The following HIPK2 variants were observed in gnomAD, a reference collection of about 807,000 sequenced individuals.
HIPK2 encodes the protein homeodomain interacting protein kinase 2.
In HIPK2, 27 loss-of-function variants were observed where a neutral mutation model predicts 113.7. That is an observed-to-expected ratio of 0.24 (90% CI 0.17 to 0.33). The LOEUF is 0.33. HIPK2 is among the 10% of genes least tolerant of loss of function. The pLI, the probability that HIPK2 is intolerant of heterozygous loss-of-function variation, is 1.00. For synonymous variants in HIPK2, 631 were observed against 642.2 expected, an observed-to-expected ratio of 0.98 and a Z score of 0.26; for missense variants, 1,257 against 1,588.0, an observed-to-expected ratio of 0.79 and a Z score of 3.54.
At chr7:139,762,918 G>A (rs948655538) in intron 1 of HIPK2, among the ~76,000 whole-genome samples, 5 of 152,214 alleles carry the variant, frequency 3.3e-5, no homozygotes, top group Non-Finnish European at 5.9e-5. Context: ...AGAAGAGGGT[G>A]CTCTGAGATG....
At chr7:139,629,181 C>A in intron 4 of HIPK2, 142 bp from the exon 5 acceptor site, 1 of 653,620 alleles carries the variant, frequency 1.5e-6, no homozygotes, top group Non-Finnish European at 2.7e-6. Context: ...ACCTGCACAC[C>A]TGCAATTCCC....
chr7:139,622,385 G>A (rs1027719684), intron 6 of HIPK2, among the ~76,000 whole-genome samples: 6 of 152,212 alleles, frequency 3.9e-5, no homozygotes, highest in Admixed American at 6.5e-5. Flanking sequence ...GGTCTTGTGC[G>A]TGGAGGCTGC....
In HIPK2 at chr7:139,717,109, C is replaced by T. The variant is rs540278870; in HGVS notation, c.20-94G>A. On this transcript the variant is annotated intron_variant, in intron 1 of 14. Transcript: ENST00000406875. ...CTTCAGTTCTCATCTGTGGCTTGGGCCATACAGAATATATTCCTCCCACTT... is the reference window on the plus strand; with the variant it reads ...CTTCAGTTCTCATCTGTGGCTTGGGTCATACAGAATATATTCCTCCCACTT... The T allele has an allele frequency of 1.1e-5, 16 of 1,430,336 alleles. No homozygotes were observed. The South Asian group carries it at 1.3e-4, about 12-fold the overall frequency. 88.6% of individuals were successfully genotyped at this position (1,430,336 alleles called of 1,614,324 possible). A position where few individuals can be genotyped will look rare whatever the true frequency, so the allele number is the denominator to read the frequency against.
At chr7:139,614,232 C>A in intron 8 of HIPK2, 54 bp downstream of exon 8, 1 of 1,335,338 alleles carries the variant, frequency 7.5e-7, no homozygotes, top group Non-Finnish European at 9.7e-7. Flanking sequence ...GTGCCGGAGC[C>A]CCAGAGGCCG....
At chr7:139,595,743 C>T (rs1314429349) in intron 12 of HIPK2, among the ~76,000 whole-genome samples, 1 of 152,190 alleles carries the variant, frequency 6.6e-6, no homozygotes, top group African/African-American at 2.4e-5. Flanking sequence ...TCTATCTATA[C>T]ATTTTGTAAT....
chr7:139,700,350 C>T (rs2116842994), intron 2 of HIPK2, among the ~76,000 whole-genome samples: 1 of 152,316 alleles, frequency 6.6e-6, no homozygotes, highest in South Asian at 2.1e-4. Flanking sequence ...AGGCCACGCA[C>T]TGACCACACA....
rs762698949 is a variant in HIPK2 at position 139,631,946 on chromosome 7, A to G, written c.1104-221T>C. ...CTTGGAAGGTTGGCTGAGATGAAGG[A>G]TAAGTCTGTGTGTTTAGAACACACC... On this transcript the variant is annotated intron_variant, in intron 2 of 14. Coordinates refer to ENST00000406875, the MANE Select transcript of HIPK2 (RefSeq NM_022740.5). This position sits in a 1 kb window ranked among gnomAD's most constrained non-coding sequence, Gnocchi z 4.9. 6.6e-5 allele frequency among the ~76,000 whole-genome samples: 10 copies of G among 152,282 alleles called. No individual in the cohort carries two copies. In the East Asian group the frequency reaches 1.9e-3, roughly 29 times the overall value.
intron 2 of HIPK2, among the ~76,000 whole-genome samples, chr7:139,685,425 A>C (rs1794186095): frequency 6.6e-6 from 1 of 152,184 alleles, no homozygotes; most frequent in Non-Finnish European, 1.5e-5. Context: ...AGCTTCCCAA[A>C]GTGCTGGGAT....
At chr7:139,774,124 G>C (rs1157172038) in intron 1 of HIPK2, among the ~76,000 whole-genome samples, 1 of 152,236 alleles carries the variant, frequency 6.6e-6, no homozygotes, top group Non-Finnish European at 1.5e-5. Flanking sequence ...AATCGCAGGA[G>C]ATTAATAATT....
chr7:139,668,780 C>T (rs565013558), intron 2 of HIPK2, among the ~76,000 whole-genome samples: 2 of 152,142 alleles, frequency 1.3e-5, no homozygotes, highest in African/African-American at 4.8e-5. Context: ...TACAGTTGCA[C>T]ATTAAATTGG....
intron 2 of HIPK2, among the ~76,000 whole-genome samples, chr7:139,667,036 G>A (rs898651022): frequency 6.6e-6 from 1 of 151,178 alleles, no homozygotes; most frequent in Non-Finnish European, 1.5e-5. Context: ...CTGCACTCCA[G>A]CCTGGGCAAC....
At chr7:139,729,293 C>G (rs1408756950) in intron 1 of HIPK2, among the ~76,000 whole-genome samples, 3 of 139,686 alleles carry the variant, frequency 2.1e-5, no homozygotes, top group Non-Finnish European at 4.6e-5. Context: ...ACACTGCATT[C>G]CAGCCTGGGT....
At chr7:139,676,234 C>T (rs1296953676) in intron 2 of HIPK2, among the ~76,000 whole-genome samples, 1 of 152,232 alleles carries the variant, frequency 6.6e-6, no homozygotes, top group East Asian at 1.9e-4. Flanking sequence ...TTGCCAGAGA[C>T]CACAGGTACA....
intron 1 of HIPK2, among the ~76,000 whole-genome samples, chr7:139,754,421 C>T (rs534947406): frequency 6.6e-6 from 1 of 152,322 alleles, no homozygotes; most frequent in South Asian, 2.1e-4. Flanking sequence ...GCTTCAGACA[C>T]ATTCCACCAC....
rs535841735 is a variant in HIPK2, at chr7:139,760,006, T to G, written c.19+17599A>C. Among the ~76,000 whole-genome samples, 10 of 144,968 alleles carry G rather than the reference T, an allele frequency of 6.9e-5. No homozygotes were observed. In the South Asian group the frequency reaches 1.7e-3, roughly 25 times the overall value. On this transcript the variant is annotated intron_variant, in intron 1 of 14. Transcript: ENST00000406875. ...TCTAGATTAAACATCTACCTAGTTG[T>G]TTTTTTTTTTTTCTGAGACAGAGTC...
At chr7:139,720,696 T>A (rs1795382094) in intron 1 of HIPK2, among the ~76,000 whole-genome samples, 1 of 152,238 alleles carries the variant, frequency 6.6e-6, no homozygotes, top group South Asian at 2.1e-4. Flanking sequence ...TTCAGTAACT[T>A]AGCCACTGAA....
chr7:139,691,068 G>T (rs1023034844), intron 2 of HIPK2, among the ~76,000 whole-genome samples: 25 of 152,180 alleles, frequency 1.6e-4, no homozygotes, highest in African/African-American at 5.3e-4. Flanking sequence ...AATGAAGGAG[G>T]TGAGATTAGA....
intron 1 of HIPK2, among the ~76,000 whole-genome samples, chr7:139,775,218 G>T (rs1796720091): frequency 6.6e-6 from 1 of 152,168 alleles, no homozygotes; most frequent in Non-Finnish European, 1.5e-5. Context: ...TGCACACAGG[G>T]AGTCCATGTG....
chr7:139,588,019 A>G (rs1007503337), intron 12 of HIPK2, among the ~76,000 whole-genome samples: 3 of 152,144 alleles, frequency 2.0e-5, no homozygotes, highest in Non-Finnish European at 4.4e-5. Flanking sequence ...CCTTGTCTCT[A>G]CTAAAAATAA....
Sources: gnomAD v4.1 joint callset for allele counts (sites outside exome capture counted in the v4.1 genomes callset) on GRCh38, gnomAD v4.1.1 for gene constraint, Gnocchi (gnomAD v3.1) non-coding constraint, MANE v1.5 for transcripts, NCBI Gene and HGNC (gene_info 2026-07-23, HGNC 2026-07-21) for gene names.